PAX5: variants seen among roughly 807,000 people sequenced by gnomAD.
The protein encoded by PAX5 is paired box 5.
In PAX5, 9 loss-of-function variants were observed where a neutral mutation model predicts 43.7. That is an observed-to-expected ratio of 0.21 (90% confidence interval 0.12 to 0.36). PAX5 has a LOEUF of 0.36. Among genes scored for constraint, PAX5 ranks in the 10% least tolerant of loss-of-function variants. PAX5 has a pLI of 1.00. For synonymous variants in PAX5, 228 were observed against 214.3 expected, an observed-to-expected ratio of 1.06 and a Z score of -0.56; for missense variants, 383 against 532.7, an observed-to-expected ratio of 0.72 and a Z score of 2.77.
chr9:36,970,458 C>A (rs188056728), intron 5 of PAX5, among the ~76,000 whole-genome samples: 20 of 152,262 alleles, frequency 1.3e-4, no homozygotes, highest in Middle Eastern at 3.4e-3. Flanking sequence ...AGCCTTGCTG[C>A]AGGAGTCTTG....
At chr9:37,017,167 A>T (rs1839452872) in intron 2 of PAX5, among the ~76,000 whole-genome samples, 1 of 152,256 alleles carries the variant, frequency 6.6e-6, no homozygotes. Flanking sequence ...ATGTAAAGCC[A>T]ATTTTTACTA....
Position 36,882,028 on chromosome 9 carries a change from G to A in PAX5, c.988C>T (p.Pro330Ser). Residue 330 changes from proline to serine, a missense_variant, in exon 8 of 10, where the codon CCG (proline) becomes TCG (serine). By Grantham distance (74) the Pro-to-Ser change is moderately conservative. Around this residue, in one of 5 missense-constraint regions of PAX5, gnomAD observed 291 missense variants for 342.5 expected, o/e 0.85. Coordinates refer to ENST00000358127, the MANE Select transcript of PAX5 (RefSeq NM_016734.3). This position sits in a 1 kb window ranked among gnomAD's most constrained non-coding sequence, Gnocchi z 4.4. ...CCAGGCACCATCCCTGTCAGCGTCG[G>A]TGCTGAGTAGCTGCCCTGTCCAGCG... Reference protein sequence around the residue: ...PPAGQGSYSAPTLTGMVPGSE... With the variant: ...PPAGQGSYSASTLTGMVPGSE... 1.2e-6 allele frequency: 2 copies of A among 1,613,208 alleles called. No homozygotes were observed. The highest frequency in any genetic ancestry group is 8.5e-7 in the Non-Finnish European group (1 of 1,179,586).
intron 7 of PAX5, among the ~76,000 whole-genome samples, chr9:36,886,493 C>T (rs1826919653): frequency 6.6e-6 from 1 of 152,188 alleles, no homozygotes; most frequent in South Asian, 2.1e-4. Context: ...GTTTCACCTT[C>T]TCAGTCCCTT....
At chr9:36,940,909 C>T (rs189800171) in intron 6 of PAX5, among the ~76,000 whole-genome samples, 26 of 152,208 alleles carry the variant, frequency 1.7e-4, no homozygotes, top group Non-Finnish European at 3.1e-4. Flanking sequence ...GATTACGGGT[C>T]CAGGTAGAGA....
chr9:36,865,715 A>G (rs908835656), intron 8 of PAX5, among the ~76,000 whole-genome samples: 4 of 152,236 alleles, frequency 2.6e-5, no homozygotes, highest in African/African-American at 9.6e-5. Flanking sequence ...AACCCCTCCC[A>G]GTATTTATAA....
At chr9:36,957,433 C>T (rs1242965015) in intron 6 of PAX5, among the ~76,000 whole-genome samples, 2 of 152,152 alleles carry the variant, frequency 1.3e-5, no homozygotes, top group Admixed American at 6.5e-5. Context: ...GGTACTTGTT[C>T]AGTACCCAAA....
intron 1 of PAX5, among the ~76,000 whole-genome samples, chr9:37,029,181 A>G (rs959509509): frequency 6.6e-6 from 1 of 152,366 alleles, no homozygotes; most frequent in Non-Finnish European, 1.5e-5. Context: ...TGTAAGGAAG[A>G]GTACAGGCTG....
chr9:36,908,969 T>C (rs553767866), intron 7 of PAX5, among the ~76,000 whole-genome samples: 26 of 152,348 alleles, frequency 1.7e-4, no homozygotes, highest in Non-Finnish European at 3.2e-4. Context: ...CTTGGGAACA[T>C]TGTGCTAACC....
chr9:36,997,800 G>A (rs962212528), intron 5 of PAX5, among the ~76,000 whole-genome samples: 15 of 152,356 alleles, frequency 9.8e-5, no homozygotes, highest in South Asian at 2.1e-4. Context: ...GAGAGGCTGC[G>A]CTGGGGATAG....
At chr9:36,953,705 A>G (rs908181590) in intron 6 of PAX5, among the ~76,000 whole-genome samples, 4 of 152,090 alleles carry the variant, frequency 2.6e-5, no homozygotes, top group African/African-American at 9.7e-5. Flanking sequence ...CTCTGCTTAC[A>G]TTACTCATCC....
intron 8 of PAX5, among the ~76,000 whole-genome samples, chr9:36,849,060 T>A (rs991068748): frequency 6.6e-6 from 1 of 152,196 alleles, no homozygotes; most frequent in African/African-American, 2.4e-5. Flanking sequence ...CCTCTTCCGA[T>A]CCCAGTCTCC....
At chr9:36,872,169 G>A (rs748174650) in intron 8 of PAX5, among the ~76,000 whole-genome samples, 1 of 152,206 alleles carries the variant, frequency 6.6e-6, no homozygotes, top group Non-Finnish European at 1.5e-5. Flanking sequence ...AGACATGGGA[G>A]CAGTGTGTAA....
At chr9:36,845,860 T>A (rs1479618224) in intron 9 of PAX5, among the ~76,000 whole-genome samples, 1 of 152,188 alleles carries the variant, frequency 6.6e-6, no homozygotes, top group Non-Finnish European at 1.5e-5. Flanking sequence ...TAATTAAGGA[T>A]CCAAGGAATT....
chr9:36,875,518 G>A (rs1269393602), intron 8 of PAX5, among the ~76,000 whole-genome samples: 2 of 151,980 alleles, frequency 1.3e-5, no homozygotes, highest in Non-Finnish European at 2.9e-5. Flanking sequence ...GTCCTGGTTC[G>A]GAGGGTATGT....
At chr9:36,957,940 A>T (rs1332445636) in intron 6 of PAX5, among the ~76,000 whole-genome samples, 2 of 152,120 alleles carry the variant, frequency 1.3e-5, no homozygotes, top group Non-Finnish European at 2.9e-5. Context: ...TTTTCCACCT[A>T]AGGAGGACAT....
chr9:36,891,292 C>A (rs1488005002), intron 7 of PAX5, among the ~76,000 whole-genome samples: 1 of 152,196 alleles, frequency 6.6e-6, no homozygotes, highest in Admixed American at 6.5e-5. Context: ...AGATTTTCAA[C>A]AAACCCCGAA....
chr9:36,932,109 C>T (rs1470967069), intron 6 of PAX5, among the ~76,000 whole-genome samples: 1 of 151,914 alleles, frequency 6.6e-6, no homozygotes, highest in African/African-American at 2.4e-5. Flanking sequence ...ACCCCATCTC[C>T]ACAAAAAAAT....
intron 8 of PAX5, among the ~76,000 whole-genome samples, chr9:36,867,938 C>T (rs1825059012): frequency 6.6e-6 from 1 of 152,226 alleles, no homozygotes; most frequent in African/African-American, 2.4e-5. Context: ...ACTATATTTC[C>T]AGCCTCCCAG....
chr9:37,033,781 A>T (rs2132590862), intron 1 of PAX5, among the ~76,000 whole-genome samples: 1 of 152,364 alleles, frequency 6.6e-6, no homozygotes, highest in South Asian at 2.1e-4. Context: ...GAAACAGAGA[A>T]AAACACAGAC....
Sources: gnomAD v4.1 joint callset for allele counts (sites outside exome capture counted in the v4.1 genomes callset) on GRCh38, gnomAD v4.1.1 for gene constraint, gnomAD v4.1.1 regional missense constraint, Gnocchi (gnomAD v3.1) non-coding constraint, MANE v1.5 for transcripts, NCBI Gene and HGNC (gene_info 2026-07-23, HGNC 2026-07-21) for gene names.